The following CNTN4 variants were observed in gnomAD, a reference collection of about 807,000 sequenced individuals.
The protein encoded by CNTN4 is contactin-4.
In CNTN4, 77 loss-of-function variants were observed where a neutral mutation model predicts 122.5. The observed-to-expected ratio is 0.63, with a 90% CI of 0.52 to 0.76. CNTN4 has a LOEUF of 0.76. CNTN4 is among the 30% of genes least tolerant of loss of function. The pLI is 0.00. For synonymous variants in CNTN4, 512 were observed against 447.0 expected (o/e 1.15, Z -1.83); for missense variants, 1,256 against 1,259.1 (o/e 1.00, Z 0.04).
At chr3:2,604,641 C>G (rs1055127925) in intron 4 of CNTN4, among the ~76,000 whole-genome samples, 3 of 151,954 alleles carry the variant, frequency 2.0e-5, no homozygotes, top group African/African-American at 7.3e-5. Context: ...AATGCAGAGC[C>G]CTAAGCAGGA....
rs5846183 is a variant in CNTN4, at chr3:2,432,814, C to CTTT, written c.-89+93593_-89+93595dup. 3.7e-3 allele frequency among the ~76,000 whole-genome samples: 519 copies of CTTT among 141,538 alleles called. 14 individuals carry two copies. The highest frequency in any genetic ancestry group is 0.021 in the East Asian group (103 of 4,860). 92.9% of individuals were successfully genotyped at this position (141,538 alleles called of 152,430 possible). A position where few individuals can be genotyped will look rare whatever the true frequency, so the allele number is the denominator to read the frequency against. ...GCAGATATGTCTGGCACACTAACTG[C>CTTT]TTTTTTTTTTTTTTGATACGGTCTC... is the stretch of plus-strand genomic sequence containing the variant. On this transcript the variant is annotated intron_variant, in intron 3 of 24. Transcript: ENST00000418658.
intron 6 of CNTN4, among the ~76,000 whole-genome samples, chr3:2,758,696 G>A (rs896445996): frequency 1.8e-4 from 27 of 151,738 alleles, no homozygotes; most frequent in Non-Finnish European, 3.1e-4. Flanking sequence ...TAGTAGAGAC[G>A]GGGTTTCACC....
At chr3:2,454,757 C>T (rs1467579324) in intron 3 of CNTN4, among the ~76,000 whole-genome samples, 4 of 151,026 alleles carry the variant, frequency 2.6e-5, no homozygotes, top group African/African-American at 7.3e-5. Context: ...TCTAGGATAC[C>T]TTTCATATTA....
intron 2 of CNTN4, among the ~76,000 whole-genome samples, chr3:2,275,853 T>C (rs985171010): frequency 4.8e-5 from 7 of 145,434 alleles, no homozygotes; most frequent in Non-Finnish European, 3.0e-5. Context: ...CTGGGAGGTA[T>C]AGGTTGCAGT....
At chr3:2,532,443 A>G (rs772712225) in intron 3 of CNTN4, among the ~76,000 whole-genome samples, 6 of 152,090 alleles carry the variant, frequency 3.9e-5, no homozygotes, top group Non-Finnish European at 8.8e-5. Flanking sequence ...TTAAAGGGAG[A>G]ATTCTTTCTT....
chr3:2,229,651 T>C (rs1039798964), intron 2 of CNTN4, among the ~76,000 whole-genome samples: 2 of 147,778 alleles, frequency 1.4e-5, no homozygotes, highest in Non-Finnish European at 3.1e-5. Flanking sequence ...CATGTTTATA[T>C]AGTAAATAAA....
chr3:2,800,770 C>T (rs1266419780), intron 6 of CNTN4, among the ~76,000 whole-genome samples: 2 of 152,172 alleles, frequency 1.3e-5, no homozygotes, highest in African/African-American at 2.4e-5. Context: ...CTTCCTTATT[C>T]ATTCTGTTCC....
chr3:2,468,264 T>C (rs1473056809), intron 3 of CNTN4, among the ~76,000 whole-genome samples: 1 of 152,172 alleles, frequency 6.6e-6, no homozygotes, highest in Non-Finnish European at 1.5e-5. Flanking sequence ...GAAGACCATA[T>C]AGGGTGTTCA....
intron 2 of CNTN4, among the ~76,000 whole-genome samples, chr3:2,184,451 G>A (rs1456482852): frequency 6.6e-6 from 1 of 152,160 alleles, no homozygotes; most frequent in African/African-American, 2.4e-5. Flanking sequence ...TGGGAACACA[G>A]GCTAATTGGG....
At chr3:2,957,198 T>G (rs1281120407) in intron 13 of CNTN4, among the ~76,000 whole-genome samples, 1 of 152,206 alleles carries the variant, frequency 6.6e-6, no homozygotes, top group East Asian at 1.9e-4. Context: ...TTTAAATTTT[T>G]TTTTGAACAA....
chr3:2,865,597 G>T (rs2093715514), intron 7 of CNTN4, among the ~76,000 whole-genome samples: 2 of 152,154 alleles, frequency 1.3e-5, no homozygotes, highest in African/African-American at 4.8e-5. Flanking sequence ...AATTTTTGAA[G>T]ATAAAGTGGG....
intron 6 of CNTN4, among the ~76,000 whole-genome samples, chr3:2,802,208 G>A (rs561610794): frequency 1.3e-5 from 2 of 152,194 alleles, no homozygotes; most frequent in Non-Finnish European, 2.9e-5. Context: ...GAAATTTATC[G>A]ATAACCCTCA....
chr3:2,332,099 C>G (rs2043752935), intron 2 of CNTN4, among the ~76,000 whole-genome samples: 1 of 152,104 alleles, frequency 6.6e-6, no homozygotes, highest in African/African-American at 2.4e-5. Context: ...GCGTGACAGG[C>G]TCTTTGTTGT....
At chr3:2,187,706 C>T (rs190150957) in intron 2 of CNTN4, among the ~76,000 whole-genome samples, 1 of 152,272 alleles carries the variant, frequency 6.6e-6, no homozygotes, top group East Asian at 1.9e-4. Flanking sequence ...TGAGTCTATG[C>T]AGGGCCCTTG....
intron 2 of CNTN4, among the ~76,000 whole-genome samples, chr3:2,248,662 C>T (rs925039688): frequency 6.6e-6 from 1 of 151,984 alleles, no homozygotes; most frequent in African/African-American, 2.4e-5. Context: ...TTTGCCTTGG[C>T]CATTCATCAT....
intron 3 of CNTN4, among the ~76,000 whole-genome samples, chr3:2,400,946 A>AATAGTGT (rs771870223): frequency 6.6e-6 from 1 of 151,936 alleles, no homozygotes. Flanking sequence ...TTCTTCTTAG[A>AATAGTGT]CTTCTTATAG....
intron 2 of CNTN4, among the ~76,000 whole-genome samples, chr3:2,237,029 AT>A (rs1268929424): frequency 5.3e-5 from 8 of 152,134 alleles, no homozygotes; most frequent in Non-Finnish European, 1.2e-4. Context: ...TGGTGGGAAT[AT>A]TTGGCAAAGA....
Position 2,988,400 on chromosome 3 carries a change from G to A in CNTN4, c.1414G>A (p.Ala472Thr), listed in dbSNP as rs375050644. 60 of 1,613,642 alleles carry A rather than the reference G, an allele frequency of 3.7e-5. No homozygotes were observed. In the East Asian group the frequency reaches 7.4e-4, roughly 20 times the overall value. ...LRIINVTKSD[A>T]GSYTCIATNH... is the part of the protein sequence containing the mutation. ...AATCATCAACGTTACTAAATCAGAC[G>A]CTGGGAGTTATACCTGTATAGCCAC... Residue 472 changes from alanine to threonine, a missense_variant, in exon 14 of 25, where the codon GCT becomes ACT. Transcript: ENST00000418658.
At chr3:2,736,486 C>G in intron 5 of CNTN4, 145 bp downstream of exon 5, 2 of 311,740 alleles carry the variant, frequency 6.4e-6, no homozygotes, top group Non-Finnish European at 9.6e-6. Context: ...TTTTTGGGAC[C>G]GAGTTTTGCT....
Sources: gnomAD v4.1 joint callset for allele counts (sites outside exome capture counted in the v4.1 genomes callset) on GRCh38, gnomAD v4.1.1 for gene constraint, MANE v1.5 for transcripts, NCBI Gene and HGNC (gene_info 2026-07-23, HGNC 2026-07-21) for gene names.